CCDC30: variants seen among roughly 807,000 people sequenced by gnomAD.
CCDC30 encodes the protein coiled-coil domain-containing protein 30.
In CCDC30, 70 loss-of-function variants were observed where a neutral mutation model predicts 100.2. That is an observed-to-expected ratio of 0.70 (90% CI 0.58 to 0.85). The LOEUF (loss-of-function observed/expected upper bound fraction) is 0.85, where lower values mean the gene tolerates loss of function less well. CCDC30 is among the 40% of genes least tolerant of loss of function. The pLI is 0.00. For synonymous variants in CCDC30, 233 were observed against 269.5 expected, an observed-to-expected ratio of 0.86 and a Z score of 1.33; for missense variants, 652 against 771.2, an observed-to-expected ratio of 0.85 and a Z score of 1.83.
At chr1:42,578,427 G>A (rs775456779) in intron 8 of CCDC30, among the ~76,000 whole-genome samples, 4 of 152,108 alleles carry the variant, frequency 2.6e-5, no homozygotes, top group Non-Finnish European at 5.9e-5. Context: ...TATCTTGGTC[G>A]GGGAAGTAGA....
At position 42,650,620 on chromosome 1, in the gene CCDC30, G is replaced by A. The variant is rs191260726; in HGVS notation, c.1855-2756G>A. 2.8e-3 allele frequency among the ~76,000 whole-genome samples: 419 copies of A among 151,268 alleles called. 3 individuals are homozygous for A. The highest frequency in any genetic ancestry group is 9.7e-3 in the African/African-American group (401 of 41,260). ...TTGACAAAATGAAACAGCATAGAGAGCTTAAAAACAAACCCACACATTTAA... is the reference window on the plus strand; with the variant it reads ...TTGACAAAATGAAACAGCATAGAGAACTTAAAAACAAACCCACACATTTAA... On this transcript the variant is annotated intron_variant, in intron 15 of 16. Coordinates refer to ENST00000668663, the Ensembl canonical transcript of CCDC30.
chr1:42,480,810 T>C (rs539650001), intron 2 of CCDC30, among the ~76,000 whole-genome samples: 3 of 152,274 alleles, frequency 2.0e-5, no homozygotes, highest in South Asian at 2.1e-4. Flanking sequence ...AGTATTTTGT[T>C]TGAATGTATG....
intron 6 of CCDC30, among the ~76,000 whole-genome samples, chr1:42,511,810 C>T (rs1048490457): frequency 6.6e-6 from 1 of 152,098 alleles, no homozygotes; most frequent in Non-Finnish European, 1.5e-5. Context: ...CATGTGCTCT[C>T]CAGACTAAGG....
Position 42,566,969 on chromosome 1 carries a change from A to C in CCDC30, c.636+494A>C, listed in dbSNP as rs986994037. On this transcript the variant is annotated intron_variant, in intron 7 of 16. Coordinates refer to ENST00000668663, the Ensembl canonical transcript of CCDC30. ...GAACTGCCATACACAGATTCAACTA[A>C]ATTTTATGGACCACATAAATGTTTA... 3.3e-5 allele frequency among the ~76,000 whole-genome samples: 5 copies of C among 152,216 alleles called. No individual in the cohort carries two copies. In the East Asian group the frequency reaches 9.6e-4, roughly 29 times the overall value.
upstream of CCDC30, among the ~76,000 whole-genome samples, chr1:42,462,854 G>A (rs1470358534): frequency 3.9e-5 from 6 of 152,182 alleles, 1 homozygote; most frequent in Admixed American, 3.9e-4. Flanking sequence ...TCCAAAAATT[G>A]TGATTTATCT....
chr1:42,589,677 G>C, intron 10 of CCDC30, 194 bp downstream of exon 14: 1 of 453,668 alleles, frequency 2.2e-6, no homozygotes, highest in Non-Finnish European at 3.9e-6. Flanking sequence ...ACAGTTGGAA[G>C]GGACCAGGGG....
the CCDC30 span, chr1:42,456,899 C>T: frequency 1.9e-6 from 3 of 1,612,236 alleles, no homozygotes; most frequent in Non-Finnish European, 2.5e-6. Flanking sequence ...GGGCCCAGCC[C>T]TTTCGGGCTT....
chr1:42,471,889 C>CT (rs5773778), intron 1 of CCDC30, among the ~76,000 whole-genome samples: 58,527 of 151,902 alleles, frequency 0.39, 11,731 homozygotes, highest in East Asian at 0.59. Context: ...TATGGTTTTG[C>CT]TTTTAAAAAG....
chr1:42,579,479 C>G (rs1329481770), intron 8 of CCDC30, among the ~76,000 whole-genome samples: 1 of 150,944 alleles, frequency 6.6e-6, no homozygotes, highest in Non-Finnish European at 1.5e-5. Flanking sequence ...ACTAATAATA[C>G]AGAAATTAGC....
In CCDC30 at chr1:42,589,485, T is replaced by C; in HGVS notation, c.1164+2T>C. 8 of 1,523,670 alleles carry C rather than the reference T, an allele frequency of 5.3e-6. No homozygotes were observed. The highest frequency in any genetic ancestry group is 1.4e-5 in the African/African-American group (1 of 73,464). 94.4% of individuals were successfully genotyped at this position (1,523,670 alleles called of 1,614,324 possible). A position where few individuals can be genotyped will look rare whatever the true frequency, so the allele number is the denominator to read the frequency against. On this transcript the variant is annotated splice_donor_variant, in intron 10 of 16. Coordinates refer to ENST00000668663, the Ensembl canonical transcript of CCDC30. LOFTEE classifies it high-confidence loss of function. ...AATGAAAAAAGAAAATATGATGAGGTAAGAAAGTAAATAGACATGCTTCTC... is the reference window on the plus strand; with the variant it reads ...AATGAAAAAAGAAAATATGATGAGGCAAGAAAGTAAATAGACATGCTTCTC...
chr1:42,531,321 T>C (rs1195632149), intron 6 of CCDC30, among the ~76,000 whole-genome samples: 1 of 152,198 alleles, frequency 6.6e-6, no homozygotes, highest in Non-Finnish European at 1.5e-5. Flanking sequence ...TGTGAGTCAA[T>C]TAGACCTCTT....
intron 13 of CCDC30, 151 bp from the exon 18 acceptor site, chr1:42,644,542 G>A (rs1647718228): frequency 1.7e-6 from 1 of 597,664 alleles, no homozygotes; most frequent in Non-Finnish European, 3.0e-6. Flanking sequence ...ACTTGTTCTT[G>A]GAATATGGTG....
At position 42,474,313 on chromosome 1, in the gene CCDC30, T is replaced by C. The variant is rs186606499; in HGVS notation, c.-91-6148T>C. On this transcript the variant is annotated intron_variant, in intron 1 of 16. Coordinates refer to ENST00000668663, the Ensembl canonical transcript of CCDC30. ...AACTGCTTTGAGCTTGAAATTTCTGTCTGTAAGATAGAGATGTTAATAGCA... is the reference window on the plus strand; with the variant it reads ...AACTGCTTTGAGCTTGAAATTTCTGCCTGTAAGATAGAGATGTTAATAGCA... 5.2e-3 allele frequency among the ~76,000 whole-genome samples: 792 copies of C among 152,294 alleles called. 8 individuals carry two copies. The highest frequency in any genetic ancestry group is 0.018 in the African/African-American group (765 of 41,560).
At chr1:42,600,386 G>A (rs1401176737) in intron 10 of CCDC30, among the ~76,000 whole-genome samples, 1 of 152,100 alleles carries the variant, frequency 6.6e-6, no homozygotes, top group Non-Finnish European at 1.5e-5. Flanking sequence ...CAGTGGACAG[G>A]TCCAGCAGGC....
chr1:42,625,320 A>T (rs558515706), intron 11 of CCDC30, among the ~76,000 whole-genome samples: 2 of 143,726 alleles, frequency 1.4e-5, no homozygotes, highest in African/African-American at 4.9e-5. Flanking sequence ...CAAAAAAACA[A>T]CTTTTTGTTT....
chr1:42,514,842 G>C (rs1405804513), intron 6 of CCDC30, among the ~76,000 whole-genome samples: 1 of 151,988 alleles, frequency 6.6e-6, no homozygotes, highest in Admixed American at 6.6e-5. Context: ...TTGTATAGAT[G>C]GGGTTTCACC....
At chr1:42,481,839 T>C (rs1643963682) in intron 2 of CCDC30, among the ~76,000 whole-genome samples, 1 of 152,176 alleles carries the variant, frequency 6.6e-6, no homozygotes, top group African/African-American at 2.4e-5. Context: ...TTATTTTCAA[T>C]AGCAAAAATC....
At chr1:42,584,755 G>T (rs1227314279) in intron 9 of CCDC30, among the ~76,000 whole-genome samples, 1 of 152,218 alleles carries the variant, frequency 6.6e-6, no homozygotes, top group Non-Finnish European at 1.5e-5. Flanking sequence ...GCAAGAAAAT[G>T]AGGCTAGAAA....
chr1:42,490,884 A>G (rs1387907913), intron 4 of CCDC30, among the ~76,000 whole-genome samples: 2 of 152,208 alleles, frequency 1.3e-5, no homozygotes, highest in African/African-American at 4.8e-5. Flanking sequence ...ACACCAATAT[A>G]CTTTATAATG....
Sources: allele counts gnomAD v4.1 joint callset (sites outside exome capture counted in the v4.1 genomes callset), GRCh38; gene constraint gnomAD v4.1.1; transcripts MANE v1.5; gene names NCBI Gene and HGNC (gene_info 2026-07-23, HGNC 2026-07-21).